Variants in CNTNAP2 observed in about 807,000 individuals in gnomAD.
CNTNAP2 encodes the protein contactin associated protein 2, also known as contactin-associated protein-like 2.
Under a neutral mutation model 155.2 loss-of-function variants are expected in CNTNAP2, and 98 were observed. That is an observed-to-expected ratio of 0.63 (90% CI 0.54 to 0.75). The LOEUF is 0.75. Among genes scored for constraint, CNTNAP2 ranks in the 30% least tolerant of loss-of-function variants. The pLI is 0.00. For synonymous variants in CNTNAP2, 651 were observed against 631.2 expected (o/e 1.03, Z -0.47); for missense variants, 1,727 against 1,688.1 (o/e 1.02, Z -0.40).
chr7:146,325,540 G>T (rs546094071), intron 1 of CNTNAP2, among the ~76,000 whole-genome samples: 1 of 151,838 alleles, frequency 6.6e-6, no homozygotes, highest in South Asian at 2.1e-4. Context: ...TTTCTATTTA[G>T]AATCTCAGTT....
intron 8 of CNTNAP2, among the ~76,000 whole-genome samples, chr7:147,187,920 G>A (rs188080820): frequency 6.6e-6 from 1 of 152,098 alleles, no homozygotes; most frequent in East Asian, 1.9e-4. Context: ...TATTAGCCAG[G>A]TATGGTGGTG....
chr7:146,877,615 ATG>A (rs909416983), intron 3 of CNTNAP2, among the ~76,000 whole-genome samples: 4 of 139,782 alleles, frequency 2.9e-5, no homozygotes, highest in East Asian at 2.1e-4. Context: ...TATACTATAT[ATG>A]TGTGTGTATG....
At position 148,051,936 on chromosome 7, in the gene CNTNAP2, G is replaced by A. The variant is rs554959540; in HGVS notation, c.2384-66182G>A. Among the ~76,000 whole-genome samples, 6 of 152,200 alleles carry A rather than the reference G, an allele frequency of 3.9e-5. No individual in the cohort carries two copies. The East Asian group carries it at 7.7e-4, about 20-fold the overall frequency. ...GGGTGGATCACGAGGTCAGGAGATG[G>A]AGACCATCCTGGCTAACACGGTGAA... On this transcript the variant is annotated intron_variant, in intron 15 of 23. Transcript: ENST00000361727.
chr7:147,108,113 C>T, intron 4 of CNTNAP2, 34 bp from the exon 5 acceptor site: 2 of 1,574,370 alleles, frequency 1.3e-6, no homozygotes, highest in Non-Finnish European at 1.7e-6. Flanking sequence ...ACATACATGG[C>T]TGAACTAATA....
At chr7:146,159,723 C>A (rs1798186783) in intron 1 of CNTNAP2, among the ~76,000 whole-genome samples, 1 of 152,146 alleles carries the variant, frequency 6.6e-6, no homozygotes, top group African/African-American at 2.4e-5. Flanking sequence ...AATACAGGAG[C>A]ACACAGATTC....
rs386411606 is a variant in CNTNAP2, at chr7:147,950,364, CAAAAAAAAAAA to C, written c.2256-27479_2256-27469del. Among the ~76,000 whole-genome samples, 116 of 55,784 alleles carry C rather than the reference CAAAAAAAAAAA, an allele frequency of 2.1e-3. 1 individual carries two copies. Among genetic ancestry groups the C allele is most frequent in the African/African-American group, 0.01 (106 of 10,158 alleles). 36.6% of individuals were successfully genotyped at this position (55,784 alleles called of 152,430 possible). A position where few individuals can be genotyped will look rare whatever the true frequency, so the allele number is the denominator to read the frequency against. On this transcript the variant is annotated intron_variant, in intron 14 of 23. Coordinates refer to ENST00000361727, the MANE Select transcript of CNTNAP2 (RefSeq NM_014141.6). ...AGCTTAAGCTATACACATAGAGAGG[CAAAAAAAAAAA>C]AAAAAAAAAAAAAAAAAAGACCTTA... is the stretch of plus-strand genomic sequence containing the variant.
chr7:146,964,402 TC>T (rs1797615925), intron 3 of CNTNAP2, among the ~76,000 whole-genome samples: 1 of 152,216 alleles, frequency 6.6e-6, no homozygotes, highest in South Asian at 2.1e-4. Context: ...TTCCCAGATG[TC>T]TTAATAGAAG....
chr7:147,771,881 T>C (rs1335032311), intron 13 of CNTNAP2, among the ~76,000 whole-genome samples: 1 of 152,202 alleles, frequency 6.6e-6, no homozygotes, highest in Non-Finnish European at 1.5e-5. Context: ...AATATTCTTC[T>C]GTATTGAAAG....
chr7:146,412,549 T>C (rs769200873), intron 1 of CNTNAP2, among the ~76,000 whole-genome samples: 1 of 152,202 alleles, frequency 6.6e-6, no homozygotes. Context: ...ACTCAGGCCA[T>C]GTATTCATTC....
chr7:147,437,425 C>T (rs989727619), intron 10 of CNTNAP2, among the ~76,000 whole-genome samples: 2 of 152,034 alleles, frequency 1.3e-5, no homozygotes, highest in East Asian at 1.9e-4. Context: ...TGTAACATTC[C>T]TTTCAGCTCT....
chr7:148,206,817 T>G (rs1795458244), intron 18 of CNTNAP2, among the ~76,000 whole-genome samples: 1 of 152,170 alleles, frequency 6.6e-6, no homozygotes, highest in African/African-American at 2.4e-5. Flanking sequence ...GTGCCTGCTG[T>G]TTCCAGTACT....
intron 21 of CNTNAP2, among the ~76,000 whole-genome samples, chr7:148,352,086 G>A: frequency 6.6e-6 from 1 of 152,194 alleles, no homozygotes; most frequent in African/African-American, 2.4e-5. Flanking sequence ...GTGTGTGGTA[G>A]GCAGGTCATT....
Position 146,285,087 on chromosome 7 carries a change from T to G in CNTNAP2, c.97+168114T>G, listed in dbSNP as rs1385537667. 2.0e-5 allele frequency among the ~76,000 whole-genome samples: 3 copies of G among 152,198 alleles called. No individual in the cohort carries two copies. The East Asian group carries it at 5.8e-4, about 29-fold the overall frequency. On this transcript the variant is annotated intron_variant, in intron 1 of 23. Coordinates refer to ENST00000361727, the MANE Select transcript of CNTNAP2 (RefSeq NM_014141.6). ...TGGACATTTATACAAAACATTTAACTTGTTTCCCTGTAATAGATAGTGTAA... is the reference window on the plus strand; with the variant it reads ...TGGACATTTATACAAAACATTTAACGTGTTTCCCTGTAATAGATAGTGTAA...
chr7:147,623,156 A>G (rs1794898787), intron 12 of CNTNAP2, among the ~76,000 whole-genome samples: 1 of 152,030 alleles, frequency 6.6e-6, no homozygotes, highest in Non-Finnish European at 1.5e-5. Context: ...CAGGAACTGA[A>G]GGCGGAAATC....
At chr7:146,882,423 G>A (rs1795570204) in intron 3 of CNTNAP2, among the ~76,000 whole-genome samples, 2 of 152,004 alleles carry the variant, frequency 1.3e-5, no homozygotes, top group Non-Finnish European at 2.9e-5. Context: ...TTCATGGGAG[G>A]TGATTAGATC....
At chr7:148,203,660 G>T (rs1000204227) in intron 18 of CNTNAP2, among the ~76,000 whole-genome samples, 1 of 152,144 alleles carries the variant, frequency 6.6e-6, no homozygotes, top group South Asian at 2.1e-4. Flanking sequence ...CACAAGAATC[G>T]CTTGAACCCG....
At chr7:146,721,501 T>TATTCTATATATAC (rs1160376814) in intron 1 of CNTNAP2, among the ~76,000 whole-genome samples, 1 of 129,482 alleles carries the variant, frequency 7.7e-6, no homozygotes, top group Non-Finnish European at 1.5e-5. Context: ...ATTCTATATA[T>TATTCTATATATAC]ATTCTATATA....
chr7:147,735,600 C>A (rs905682318), intron 13 of CNTNAP2, among the ~76,000 whole-genome samples: 3 of 152,134 alleles, frequency 2.0e-5, no homozygotes, highest in Admixed American at 6.5e-5. Context: ...TCTTGTTGAT[C>A]TGTCTAATGT....
chr7:148,302,689 C>T (rs1029018226), intron 21 of CNTNAP2, among the ~76,000 whole-genome samples: 17 of 152,094 alleles, frequency 1.1e-4, no homozygotes, highest in African/African-American at 3.1e-4. Context: ...CCTTAGCTTT[C>T]GCTTCTCTCG....
Sources: allele counts gnomAD v4.1 joint callset (sites outside exome capture counted in the v4.1 genomes callset), GRCh38; gene constraint gnomAD v4.1.1; transcripts MANE v1.5; gene names NCBI Gene and HGNC (gene_info 2026-07-23, HGNC 2026-07-21).